The following ANXA3 variants were observed in gnomAD, a reference collection of about 807,000 sequenced individuals.
ANXA3 encodes the protein 35-alpha calcimedin.
ANXA3 carries 46 observed loss-of-function variants against 48.8 expected under a neutral mutation model. The observed-to-expected ratio is 0.94, with a 90% CI of 0.74 to 1.21. ANXA3 has a LOEUF of 1.21. Among genes scored for constraint, ANXA3 ranks in the 50% most tolerant of loss-of-function variants. The probability of loss-of-function intolerance (pLI) is 0.00; values close to 1 mark genes in which losing one functional copy is unlikely to be tolerated. For synonymous variants in ANXA3, 128 were observed against 134.7 expected (o/e 0.95, Z 0.35); for missense variants, 383 against 378.6 (o/e 1.01, Z -0.10).
intron 12 of ANXA3, among the ~76,000 whole-genome samples, chr4:78,606,744 C>A (rs1326873246): frequency 6.6e-6 from 1 of 151,952 alleles, no homozygotes; most frequent in African/African-American, 2.4e-5. Context: ...CTCTCTCTCT[C>A]TCTTTTTAAT....
chr4:78,560,900 C>T (rs1722613777), intron 2 of ANXA3, among the ~76,000 whole-genome samples: 6 of 152,134 alleles, frequency 3.9e-5, no homozygotes, highest in Admixed American at 3.3e-4. Context: ...CATTAAGGCA[C>T]ACAGTTTCCA....
intron 7 of ANXA3, 76 bp downstream of exon 7, chr4:78,591,699 T>C: frequency 1.9e-6 from 2 of 1,063,292 alleles, no homozygotes; most frequent in Non-Finnish European, 2.9e-6. Flanking sequence ...AGTTTAAAAA[T>C]AACCAAACTG....
At chr4:78,567,983 A>C (rs1305465514) in intron 2 of ANXA3, among the ~76,000 whole-genome samples, 4 of 152,150 alleles carry the variant, frequency 2.6e-5, no homozygotes, top group Non-Finnish European at 5.9e-5. Flanking sequence ...CCATCACATC[A>C]CATTCTTTCT....
intron 3 of ANXA3, among the ~76,000 whole-genome samples, chr4:78,577,671 C>T (rs566883756): frequency 6.6e-6 from 1 of 152,276 alleles, no homozygotes; most frequent in South Asian, 2.1e-4. Context: ...AGCTGTGTAC[C>T]ACTGCCACGG....
Position 78,608,850 on chromosome 4 carries a change from A to T in ANXA3, c.913-1206A>T, listed in dbSNP as rs145357930. 9.0e-3 allele frequency among the ~76,000 whole-genome samples: 1,371 copies of T among 152,262 alleles called. 22 individuals carry two copies. Among genetic ancestry groups the T allele is most frequent in the African/African-American group, 0.031 (1,305 of 41,536 alleles). ...ATGTGGAGAGGTCAAGTAAGTCATT[A>T]GCGGTGTAAATATACTTTGAGTTAC... On this transcript the variant is annotated intron_variant, in intron 12 of 12. Transcript: ENST00000264908.
In ANXA3 at chr4:78,604,401, T is replaced by G; in HGVS notation, c.912+2T>G. On this transcript the variant is annotated splice_donor_variant, in intron 12 of 12. Transcript: ENST00000264908. LOFTEE classifies it high-confidence loss of function. Reference sequence around the variant, plus strand: ...TATTCCCTATATTCAGCAATTAAAGTAAGTCTACTTTTAAAAATAGCAAAA... The same window carrying G: ...TATTCCCTATATTCAGCAATTAAAGGAAGTCTACTTTTAAAAATAGCAAAA... 1 of 1,608,686 alleles carries G rather than the reference T, an allele frequency of 6.2e-7. No homozygotes were observed. The highest frequency in any genetic ancestry group is 1.1e-5 in the South Asian group (1 of 90,618).
chr4:78,571,479 G>A (rs1722839591), intron 2 of ANXA3, among the ~76,000 whole-genome samples: 1 of 152,186 alleles, frequency 6.6e-6, no homozygotes, highest in Non-Finnish European at 1.5e-5. Context: ...TGAATCAGCA[G>A]ACTATCATAT....
intron 12 of ANXA3, among the ~76,000 whole-genome samples, chr4:78,608,233 A>G (rs1449303485): frequency 2.0e-5 from 3 of 152,176 alleles, no homozygotes; most frequent in African/African-American, 7.2e-5. Flanking sequence ...GTAGGACTTG[A>G]CTTAGAGGAA....
chr4:78,601,640 C>T (rs1047538582), intron 11 of ANXA3, 72 bp downstream of exon 11: 2 of 1,230,714 alleles, frequency 1.6e-6, no homozygotes, highest in Non-Finnish European at 2.3e-6. Flanking sequence ...AATAGTAGAA[C>T]AAATATTTAA....
chr4:78,567,024 T>A (rs1411781864), intron 2 of ANXA3, among the ~76,000 whole-genome samples: 1 of 152,222 alleles, frequency 6.6e-6, no homozygotes, highest in African/African-American at 2.4e-5. Context: ...CCCTGTGGGC[T>A]GCAGAGCATG....
At chr4:78,598,470 T>C (rs182780877) in intron 10 of ANXA3, among the ~76,000 whole-genome samples, 134 of 152,298 alleles carry the variant, frequency 8.8e-4, no homozygotes, top group African/African-American at 3.0e-3. Context: ...TCATAATTAG[T>C]TCTCAGACTG....
chr4:78,570,623 T>C (rs1722824493), intron 2 of ANXA3, among the ~76,000 whole-genome samples: 1 of 152,184 alleles, frequency 6.6e-6, no homozygotes, highest in Non-Finnish European at 1.5e-5. Context: ...AATAGTCTAG[T>C]TTGCTTTTAA....
rs533230591 is a variant in ANXA3 at position 78,598,952 on chromosome 4, T to A, written c.730+1538T>A. Among the ~76,000 whole-genome samples, 33 of 152,314 alleles carry A rather than the reference T, an allele frequency of 2.2e-4. No individual in the cohort carries two copies. In the South Asian group the frequency reaches 5.8e-3, roughly 27 times the overall value. On this transcript the variant is annotated intron_variant, in intron 10 of 12. Coordinates refer to ENST00000264908, the MANE Select transcript of ANXA3 (RefSeq NM_005139.3). ...ATGTACAAACTCTCATTCACTGAGC[T>A]AAGGAGCATTCTTGGAAATATATCA...
intron 2 of ANXA3, chr4:78,571,297 C>A (rs1193190461): frequency 6.6e-6 from 1 of 152,198 alleles, no homozygotes; most frequent in African/African-American, 2.4e-5. Context: ...AAGAGTGAGC[C>A]ACCATGTCCA....
At position 78,579,011 on chromosome 4, in the gene ANXA3, C is replaced by A. The variant is rs762961293; in HGVS notation, c.104-16C>A. 2 of 1,571,252 alleles carry A rather than the reference C, an allele frequency of 1.3e-6. No individual in the cohort carries two copies. The highest frequency in any genetic ancestry group is 1.1e-5 in the South Asian group (1 of 89,354). ...TGAGCATAAATATTGAGTAAAATAA[C>A]TTTTGTTTCATTTAGGAACTGATGA... On this transcript the variant is annotated splice_polypyrimidine_tract_variant and intron_variant, in intron 3 of 12. Coordinates refer to ENST00000264908, the MANE Select transcript of ANXA3 (RefSeq NM_005139.3).
At position 78,604,259 on chromosome 4, in the gene ANXA3, A is replaced by G. The variant is rs765634047; in HGVS notation, c.790-18A>G. ...GACCAATGACATTTGTGTTGTGAAC[A>G]CCTGCATTCCTTAACAGGGTATTGG... On this transcript the variant is annotated intron_variant, in intron 11 of 12. Transcript: ENST00000264908. 5.0e-6 allele frequency: 8 copies of G among 1,589,818 alleles called. No individual in the cohort carries two copies. Among genetic ancestry groups the G allele is most frequent in the Non-Finnish European group, 6.9e-6 (8 of 1,163,280 alleles).
intron 2 of ANXA3, among the ~76,000 whole-genome samples, chr4:78,561,624 A>T (rs567327146): frequency 2.0e-5 from 3 of 152,242 alleles, no homozygotes; most frequent in African/African-American, 7.2e-5. Context: ...GCATGTGAAT[A>T]TGCTGAACTC....
intron 10 of ANXA3, among the ~76,000 whole-genome samples, chr4:78,598,179 CCA>C (rs57634883): frequency 2.4e-3 from 350 of 144,294 alleles, no homozygotes; most frequent in Non-Finnish European, 3.7e-3. Context: ...ATTAAAAAAA[CCA>C]CACACACACA....
At chr4:78,565,367 A>G (rs990277704) in intron 2 of ANXA3, among the ~76,000 whole-genome samples, 2 of 152,240 alleles carry the variant, frequency 1.3e-5, no homozygotes, top group Admixed American at 1.3e-4. Context: ...AACATGACTC[A>G]GATGTTCAAG....
Sources: allele counts gnomAD v4.1 joint callset (sites outside exome capture counted in the v4.1 genomes callset), GRCh38; gene constraint gnomAD v4.1.1; transcripts MANE v1.5; gene names NCBI Gene and HGNC (gene_info 2026-07-23, HGNC 2026-07-21).